The following PPP1CB variants were observed in gnomAD, a reference collection of about 807,000 sequenced individuals.
PPP1CB encodes serine/threonine-protein phosphatase PP1-beta catalytic subunit.
In PPP1CB, 2 loss-of-function variants were observed where a neutral mutation model predicts 43.7. That is an observed-to-expected ratio of 0.05 (90% CI 0.02 to 0.14). PPP1CB has a LOEUF of 0.14. Ranked by LOEUF, PPP1CB falls within the 10% of genes least tolerant of loss-of-function variation. The pLI is 1.00. For synonymous variants in PPP1CB, 136 were observed against 135.6 expected (o/e 1.00, Z -0.02); for missense variants, 84 against 398.0 (o/e 0.21, Z 6.71).
intron 1 of PPP1CB, among the ~76,000 whole-genome samples, chr2:28,775,845 C>T (rs1342377497): frequency 6.6e-6 from 1 of 152,106 alleles, no homozygotes; most frequent in Non-Finnish European, 1.5e-5. Context: ...ATTCTGTTCC[C>T]CTTCATCCCA....
intron 1 of PPP1CB, 101 bp from the exon 2 acceptor site, chr2:28,776,750 T>G: frequency 9.3e-7 from 1 of 1,071,940 alleles, no homozygotes. Flanking sequence ...ATTTGCTGCC[T>G]GTGTGACTTT....
chr2:28,779,827 G>T (rs1297799301), intron 3 of PPP1CB, among the ~76,000 whole-genome samples: 1 of 152,036 alleles, frequency 6.6e-6, no homozygotes, highest in Admixed American at 6.5e-5. Flanking sequence ...AAGTTTGAGG[G>T]TATGTTATAT....
chr2:28,775,097 A>G (rs987168262), intron 1 of PPP1CB, among the ~76,000 whole-genome samples: 1 of 151,748 alleles, frequency 6.6e-6, no homozygotes, highest in Non-Finnish European at 1.5e-5. Flanking sequence ...TTTTAGCAAG[A>G]AATATGTGGA....
chr2:28,788,554 A>AAT, intron 5 of PPP1CB, 104 bp from the exon 6 acceptor site: 1 of 1,262,796 alleles, frequency 7.9e-7, no homozygotes, highest in Non-Finnish European at 1.1e-6. Context: ...ATTGTTTAGT[A>AAT]AAAGGTAAGA....
intron 1 of PPP1CB, among the ~76,000 whole-genome samples, chr2:28,767,248 G>T (rs1666798948): frequency 6.6e-6 from 1 of 152,106 alleles, no homozygotes; most frequent in Non-Finnish European, 1.5e-5. Flanking sequence ...AAGAAATTCT[G>T]CTGTGATGAG....
At chr2:28,776,504 C>G (rs1667047909) in intron 1 of PPP1CB, among the ~76,000 whole-genome samples, 1 of 152,212 alleles carries the variant, frequency 6.6e-6, no homozygotes, top group South Asian at 2.1e-4. Context: ...AGGTGATCCA[C>G]CCACCTCAAC....
At chr2:28,788,865 A>C (rs1234507520) in intron 6 of PPP1CB, 56 bp downstream of exon 6, 1 of 1,472,774 alleles carries the variant, frequency 6.8e-7, no homozygotes, top group Non-Finnish European at 9.0e-7. Context: ...TTTTGGGGGC[A>C]GACGGAGGGG....
At chr2:28,768,676 G>A (rs1666834219) in intron 1 of PPP1CB, among the ~76,000 whole-genome samples, 2 of 152,140 alleles carry the variant, frequency 1.3e-5, no homozygotes, top group South Asian at 4.1e-4. Flanking sequence ...GCTGCTAAAA[G>A]GAAACAGCCT....
rs529926570 is a variant in PPP1CB at position 28,802,419 on chromosome 2, C to T, written c.*3116C>T. Reference sequence around the variant, plus strand: ...TCCACCTCTTGTTTTCCTTGTGAGTCCATGGCTAAATCAAAGCTGCCCCTG... The same window carrying T: ...TCCACCTCTTGTTTTCCTTGTGAGTTCATGGCTAAATCAAAGCTGCCCCTG... On this transcript the variant is annotated 3_prime_UTR_variant, in exon 8 of 8. Transcript: ENST00000395366. The T allele has an allele frequency of 6.6e-6, 1 of 152,180 alleles. No individual in the cohort carries two copies. Among genetic ancestry groups the T allele is most frequent in the South Asian group, 2.1e-4 (1 of 4,832 alleles). 9.4% of individuals were successfully genotyped at this position (152,180 alleles called of 1,614,324 possible).
intron 4 of PPP1CB, 135 bp from the exon 5 acceptor site, chr2:28,783,772 C>G (rs1270757392): frequency 3.5e-6 from 2 of 569,726 alleles, no homozygotes; most frequent in African/African-American, 2.0e-5. Flanking sequence ...AAAAAAAAGA[C>G]GTTAAAAGGA....
chr2:28,785,065 CTTTTTTTTTTTTTTTTT>C (rs769650329), intron 5 of PPP1CB, among the ~76,000 whole-genome samples: 1 of 55,000 alleles, frequency 1.8e-5, no homozygotes, highest in Non-Finnish European at 3.5e-5. Context: ...GTGTTAGGAG[CTTTTTTTTTTTTTTTTT>C]TTTTTTTTTT....
intron 5 of PPP1CB, among the ~76,000 whole-genome samples, chr2:28,787,314 C>T (rs1041167192): frequency 6.6e-6 from 1 of 152,090 alleles, no homozygotes; most frequent in African/African-American, 2.4e-5. Context: ...AAAAAATTAG[C>T]CGGGCGTGGT....
At chr2:28,753,252 G>C (rs188499748) in intron 1 of PPP1CB, among the ~76,000 whole-genome samples, 1 of 152,294 alleles carries the variant, frequency 6.6e-6, no homozygotes, top group East Asian at 1.9e-4. Context: ...CATATGTACT[G>C]TTTGCTTTCA....
At chr2:28,761,875 C>G (rs997694702) in intron 1 of PPP1CB, among the ~76,000 whole-genome samples, 7 of 152,134 alleles carry the variant, frequency 4.6e-5, no homozygotes, top group African/African-American at 1.7e-4. Flanking sequence ...AACTTTGAGT[C>G]TTGAGACCCT....
At chr2:28,766,535 G>GT (rs950313621) in intron 1 of PPP1CB, among the ~76,000 whole-genome samples, 8 of 152,156 alleles carry the variant, frequency 5.3e-5, no homozygotes, top group Non-Finnish European at 1.2e-4. Context: ...TACTAAAATA[G>GT]TTTTTCTCAG....
intron 1 of PPP1CB, among the ~76,000 whole-genome samples, chr2:28,764,193 GCT>G (rs1260642831): frequency 6.6e-6 from 1 of 151,986 alleles, no homozygotes; most frequent in East Asian, 2.0e-4. Flanking sequence ...GGACGTGGTG[GCT>G]CACGCCTGTA....
At chr2:28,780,184 GT>G (rs1667129768) in intron 3 of PPP1CB, among the ~76,000 whole-genome samples, 1 of 151,130 alleles carries the variant, frequency 6.6e-6, no homozygotes, top group Admixed American at 6.6e-5. Context: ...CGCCTCCCGG[GT>G]TCAAGCGATT....
At chr2:28,779,785 C>G (rs1490743734) in intron 3 of PPP1CB, among the ~76,000 whole-genome samples, 1 of 152,096 alleles carries the variant, frequency 6.6e-6, no homozygotes, top group South Asian at 2.1e-4. Context: ...TATTCAAACT[C>G]ATATCTCCTT....
At chr2:28,752,635 G>T (rs1666346104) in intron 1 of PPP1CB, among the ~76,000 whole-genome samples, 1 of 152,214 alleles carries the variant, frequency 6.6e-6, no homozygotes, top group African/African-American at 2.4e-5. Flanking sequence ...TTCCGGGAGT[G>T]AATTTTACGT....
Sources: gnomAD v4.1 joint callset for allele counts (sites outside exome capture counted in the v4.1 genomes callset) on GRCh38, gnomAD v4.1.1 for gene constraint, MANE v1.5 for transcripts, NCBI Gene and HGNC (gene_info 2026-07-23, HGNC 2026-07-21) for gene names.